The following DIP2B variants were observed in gnomAD, a reference collection of about 807,000 sequenced individuals.
The protein encoded by DIP2B is disco-interacting protein 2 homolog B.
In DIP2B, 76 loss-of-function variants were observed where a neutral mutation model predicts 198.0. That is an observed-to-expected ratio of 0.38 (90% CI 0.32 to 0.46). The LOEUF (loss-of-function observed/expected upper bound fraction) is 0.46, where lower values mean the gene tolerates loss of function less well. Among genes scored for constraint, DIP2B ranks in the 20% least tolerant of loss-of-function variants. The pLI, the probability that DIP2B is intolerant of heterozygous loss-of-function variation, is 0.99. For synonymous variants in DIP2B, 701 were observed against 739.1 expected (o/e 0.95, Z 0.84); for missense variants, 1,559 against 1,978.4 (o/e 0.79, Z 4.02).
At chr12:50,686,928 A>G (rs919322346) in intron 12 of DIP2B, 3 of 370,622 alleles carry the variant, frequency 8.1e-6, no homozygotes, top group African/African-American at 2.1e-5. Flanking sequence ...GAAAGTTACA[A>G]AAGACTTTAG....
At chr12:50,555,986 T>C (rs915002590) in intron 1 of DIP2B, among the ~76,000 whole-genome samples, 7 of 152,172 alleles carry the variant, frequency 4.6e-5, no homozygotes, top group African/African-American at 1.7e-4. Flanking sequence ...TAAATCTTTG[T>C]TGATTTAGCA....
chr12:50,697,222 A>T, intron 17 of DIP2B, 47 bp downstream of exon 17: 2 of 1,553,720 alleles, frequency 1.3e-6, no homozygotes, highest in East Asian at 4.5e-5. Flanking sequence ...TACAACTTGG[A>T]TGAAATGTGC....
At chr12:50,515,572 C>T (rs1485332070) in intron 1 of DIP2B, among the ~76,000 whole-genome samples, 1 of 152,162 alleles carries the variant, frequency 6.6e-6, no homozygotes, top group Non-Finnish European at 1.5e-5. Context: ...CCCTTCCTAA[C>T]CTTTGTGGCA....
At chr12:50,554,602 G>A (rs1420008586) in intron 1 of DIP2B, among the ~76,000 whole-genome samples, 2 of 152,106 alleles carry the variant, frequency 1.3e-5, no homozygotes, top group Non-Finnish European at 1.5e-5. Context: ...CACTGGGTGC[G>A]TGGCATGGCG....
At chr12:50,585,296 G>A (rs1040767519) in intron 1 of DIP2B, among the ~76,000 whole-genome samples, 2 of 152,226 alleles carry the variant, frequency 1.3e-5, no homozygotes, top group Non-Finnish European at 2.9e-5. Context: ...ATTGGGCAAG[G>A]TAGACACACT....
At chr12:50,710,088 T>A (rs1431003506) in intron 22 of DIP2B, among the ~76,000 whole-genome samples, 1 of 152,220 alleles carries the variant, frequency 6.6e-6, no homozygotes, top group East Asian at 1.9e-4. Context: ...ATTTTTCTAC[T>A]TAGCACTTAA....
chr12:50,516,459 T>A (rs1468242376), intron 1 of DIP2B, among the ~76,000 whole-genome samples: 1 of 151,914 alleles, frequency 6.6e-6, no homozygotes, highest in Admixed American at 6.6e-5. Context: ...TCGTTATGTT[T>A]CCCAGACTGG....
At chr12:50,682,801 CTAAAG>C (rs1939067132) in intron 9 of DIP2B, among the ~76,000 whole-genome samples, 1 of 152,240 alleles carries the variant, frequency 6.6e-6, no homozygotes, top group African/African-American at 2.4e-5. Context: ...TAGCCCTACA[CTAAAG>C]TAAATTGCCT....
intron 26 of DIP2B, among the ~76,000 whole-genome samples, chr12:50,722,203 A>T (rs1487559942): frequency 6.6e-6 from 1 of 151,402 alleles, no homozygotes; most frequent in Non-Finnish European, 1.5e-5. Context: ...TTGGCCTGTT[A>T]TCCCCCCACA....
chr12:50,725,855 CTT>C (rs74550223), intron 28 of DIP2B, among the ~76,000 whole-genome samples: 42 of 140,048 alleles, frequency 3.0e-4, no homozygotes, highest in Non-Finnish European at 3.5e-4. Context: ...CCTCCCTACC[CTT>C]TTTTTTTTTT....
At chr12:50,626,164 GA>G (rs1937930798) in intron 2 of DIP2B, 117 bp downstream of exon 2, 1 of 1,052,104 alleles carries the variant, frequency 9.5e-7, no homozygotes, top group African/African-American at 1.6e-5. Flanking sequence ...CACCAGGGGA[GA>G]GAAAAAAACG....
intron 3 of DIP2B, among the ~76,000 whole-genome samples, chr12:50,653,328 C>CTTTTTTTTTT (rs71086465): frequency 1.7e-5 from 2 of 116,304 alleles, no homozygotes; most frequent in African/African-American, 3.2e-5. Flanking sequence ...GTCTTTCTTT[C>CTTTTTTTTTT]TTTTTTTTTT....
intron 1 of DIP2B, among the ~76,000 whole-genome samples, chr12:50,563,324 C>T (rs1326040266): frequency 6.6e-6 from 1 of 152,054 alleles, no homozygotes; most frequent in African/African-American, 2.4e-5. Context: ...GTGGCTAGAT[C>T]TATAGGTGCA....
intron 25 of DIP2B, 139 bp downstream of exon 25, chr12:50,719,174 A>C: frequency 1.2e-6 from 1 of 863,056 alleles, no homozygotes. Flanking sequence ...TTGCTTTGGC[A>C]TATGAGGGTA....
intron 4 of DIP2B, among the ~76,000 whole-genome samples, chr12:50,664,763 C>T (rs1333300417): frequency 1.3e-5 from 2 of 149,530 alleles, no homozygotes; most frequent in Non-Finnish European, 3.0e-5. Flanking sequence ...TCACACAGGA[C>T]TCTGCTTGAG....
chr12:50,566,380 A>G (rs930941429), intron 1 of DIP2B, among the ~76,000 whole-genome samples: 6 of 152,140 alleles, frequency 3.9e-5, no homozygotes, highest in Non-Finnish European at 2.9e-5. Flanking sequence ...TATTGTTTGC[A>G]CTGTCTTTTG....
chr12:50,639,973 T>G (rs564938413), intron 2 of DIP2B, among the ~76,000 whole-genome samples: 1 of 152,332 alleles, frequency 6.6e-6, no homozygotes, highest in East Asian at 1.9e-4. Flanking sequence ...GTATAAAGTT[T>G]CAGTTATGCA....
At position 50,691,108 on chromosome 12, in the gene DIP2B, G is replaced by GTCTCA; in HGVS notation, c.1612_1616dup (p.Cys540LeufsTer18). 1 of 1,614,084 alleles carries GTCTCA rather than the reference G, an allele frequency of 6.2e-7. No homozygotes were observed. The highest frequency in any genetic ancestry group is 8.5e-7 in the Non-Finnish European group (1 of 1,180,000). On this transcript the variant is annotated frameshift_variant, in exon 13 of 38. Coordinates refer to ENST00000301180, the MANE Select transcript of DIP2B (RefSeq NM_173602.3). LOFTEE classifies it high-confidence loss of function. The stretch of plus-strand genomic sequence containing the variant: ...TTACAGTATCCCGGCTTGCAATGTT[G>GTCTCA]TCTCACTGCCAAGCTCTGTCGCAGG...
intron 29 of DIP2B, among the ~76,000 whole-genome samples, chr12:50,728,287 C>T (rs931800471): frequency 2.6e-5 from 4 of 151,154 alleles, no homozygotes; most frequent in Non-Finnish European, 5.9e-5. Flanking sequence ...GCTGAGGTTG[C>T]GGTGAGCTGA....
Sources: allele counts gnomAD v4.1 joint callset (sites outside exome capture counted in the v4.1 genomes callset), GRCh38; gene constraint gnomAD v4.1.1; transcripts MANE v1.5; gene names NCBI Gene and HGNC (gene_info 2026-07-23, HGNC 2026-07-21).